The following SLC35F3 variants were observed in gnomAD, a reference collection of about 807,000 sequenced individuals.
The protein encoded by SLC35F3 is putative thiamine transporter SLC35F3.
SLC35F3 carries 25 observed loss-of-function variants against 49.9 expected under a neutral mutation model. The ratio of observed to expected loss-of-function variants is 0.50; its 90% confidence interval spans 0.37 to 0.70. SLC35F3 has a LOEUF of 0.70. Among genes scored for constraint, SLC35F3 ranks in the 30% least tolerant of loss-of-function variants. SLC35F3 has a pLI of 0.00. For synonymous variants in SLC35F3, 275 were observed against 265.4 expected (o/e 1.04, Z -0.35); for missense variants, 525 against 639.8 (o/e 0.82, Z 1.94).
chr1:234,174,540 C>T (rs1666447101), intron 2 of SLC35F3, among the ~76,000 whole-genome samples: 1 of 152,238 alleles, frequency 6.6e-6, no homozygotes, highest in Non-Finnish European at 1.5e-5. Flanking sequence ...CCATTCTGCA[C>T]ACAAGGAATC....
At position 234,046,811 on chromosome 1, in the gene SLC35F3, G is replaced by GT. The variant is rs1247462313; in HGVS notation, c.283+141060dup. On this transcript the variant is annotated intron_variant, in intron 2 of 7. Transcript: ENST00000366618. This position sits in a 1 kb window ranked among gnomAD's most constrained non-coding sequence, Gnocchi z 4.4. Reference sequence around the variant, plus strand: ...AATATGAAGTACATCTCTAATTCTAGTTTTTTTCGGTATTAAGTAATCTCA... The same window carrying GT: ...AATATGAAGTACATCTCTAATTCTAGTTTTTTTTCGGTATTAAGTAATCTCA... Among the ~76,000 whole-genome samples the GT allele has an allele frequency of 6.6e-6, 1 of 152,020 alleles. No homozygotes were observed. Among genetic ancestry groups the GT allele is most frequent in the African/African-American group, 2.4e-5 (1 of 41,428 alleles).
intron 2 of SLC35F3, among the ~76,000 whole-genome samples, chr1:234,154,562 C>T (rs934686250): frequency 1.3e-5 from 2 of 152,014 alleles, no homozygotes; most frequent in East Asian, 1.9e-4. Flanking sequence ...ACCAGGGAGC[C>T]GGGAAGTTAT....
chr1:234,255,817 C>A (rs755259390), intron 3 of SLC35F3, among the ~76,000 whole-genome samples: 2 of 152,104 alleles, frequency 1.3e-5, no homozygotes, highest in Non-Finnish European at 2.9e-5. Context: ...ACACTTAGAG[C>A]AGTGAAATAA....
At chr1:233,995,590 A>G (rs1663445098) in intron 2 of SLC35F3, among the ~76,000 whole-genome samples, 1 of 152,170 alleles carries the variant, frequency 6.6e-6, no homozygotes, top group Non-Finnish European at 1.5e-5. Flanking sequence ...CAGCATCCCA[A>G]ATTGCTTCTA....
In SLC35F3 at chr1:234,035,390, T is replaced by TA. The variant is rs1345237317; in HGVS notation, c.283+129642dup. Among the ~76,000 whole-genome samples the TA allele has an allele frequency of 4.0e-3, 606 of 150,434 alleles. 6 individuals carry two copies. Among genetic ancestry groups the TA allele is most frequent in the African/African-American group, 0.014 (557 of 41,100 alleles). On this transcript the variant is annotated intron_variant, in intron 2 of 7. Transcript: ENST00000366618. ...AATTCCTGACCTTTGAATATACCTT[T>TA]AAAAAAAAAATCTTCCCTGGAAGCA...
intron 2 of SLC35F3, among the ~76,000 whole-genome samples, chr1:234,114,555 G>A (rs1018935314): frequency 6.6e-6 from 1 of 152,170 alleles, no homozygotes; most frequent in Non-Finnish European, 1.5e-5. Context: ...ATCTGTTTTT[G>A]CTATTCTCCA....
At chr1:233,913,598 T>C (rs1482360889) in intron 2 of SLC35F3, among the ~76,000 whole-genome samples, 2 of 152,224 alleles carry the variant, frequency 1.3e-5, no homozygotes, top group South Asian at 2.1e-4. Context: ...TCTCGATCAA[T>C]AAACATTTGT....
intron 4 of SLC35F3, among the ~76,000 whole-genome samples, chr1:234,313,698 T>C (rs1424925962): frequency 6.6e-6 from 1 of 152,040 alleles, no homozygotes; most frequent in East Asian, 1.9e-4. Context: ...TTAGCACCTG[T>C]CCAGGGGCCC....
intron 3 of SLC35F3, among the ~76,000 whole-genome samples, chr1:234,304,071 CTTT>C (rs1668736882): frequency 4.4e-5 from 1 of 22,758 alleles, no homozygotes; most frequent in African/African-American, 2.2e-4. Flanking sequence ...TCCTTCCTTC[CTTT>C]CTTCCTTCCT....
At chr1:233,958,135 T>C (rs547526859) in intron 2 of SLC35F3, among the ~76,000 whole-genome samples, 5 of 152,356 alleles carry the variant, frequency 3.3e-5, no homozygotes, top group African/African-American at 1.2e-4. Flanking sequence ...CACTGCTGCC[T>C]TCACCACACT....
chr1:233,954,907 G>A (rs1002612863), intron 2 of SLC35F3, among the ~76,000 whole-genome samples: 9 of 152,214 alleles, frequency 5.9e-5, no homozygotes, highest in African/African-American at 2.2e-4. Flanking sequence ...GCAATGGTGC[G>A]ATCTTGGCTC....
Position 234,323,123 on chromosome 1 carries a change from GATC to G in SLC35F3, c.1355_1357del (p.Ile452del). The G allele has an allele frequency of 6.2e-7, 1 of 1,614,148 alleles. No individual in the cohort carries two copies. The highest frequency in any genetic ancestry group is 1.3e-5 in the African/African-American group (1 of 75,022). ...TGCCAGAGGAGTGGGATGTCTGGTT[GATC>G]AAGCTGCTCACCCGACTCAAAGTGA... On this transcript the variant is annotated inframe_deletion, in exon 8 of 8. Transcript: ENST00000366618. The surrounding 1 kb of genome is among the most constrained non-coding windows in gnomAD (Gnocchi z 4.5).
chr1:234,221,291 GA>G (rs971463077), intron 2 of SLC35F3, among the ~76,000 whole-genome samples: 2 of 152,160 alleles, frequency 1.3e-5, no homozygotes, highest in African/African-American at 4.8e-5. Flanking sequence ...GATAACTTTT[GA>G]GAGAGCCAGG....
intron 2 of SLC35F3, among the ~76,000 whole-genome samples, chr1:234,132,964 A>C (rs1665756920): frequency 1.3e-5 from 2 of 152,346 alleles, no homozygotes; most frequent in Non-Finnish European, 2.9e-5. Context: ...AACACTCATA[A>C]TACCTTGATG....
intron 3 of SLC35F3, among the ~76,000 whole-genome samples, chr1:234,237,367 T>A (rs147662769): frequency 6.6e-6 from 1 of 152,292 alleles, no homozygotes; most frequent in Non-Finnish European, 1.5e-5. Flanking sequence ...TACATCACAC[T>A]CTTCTGTTGA....
chr1:234,043,887 A>G (rs1271673888), intron 2 of SLC35F3, among the ~76,000 whole-genome samples: 2 of 152,244 alleles, frequency 1.3e-5, no homozygotes, highest in African/African-American at 2.4e-5. Context: ...TGTATGTTAC[A>G]TAATTATATC....
chr1:234,196,654 CAT>C (rs1165849996), intron 2 of SLC35F3, among the ~76,000 whole-genome samples: 2 of 152,234 alleles, frequency 1.3e-5, no homozygotes, highest in African/African-American at 4.8e-5. Context: ...CAAAGACAAA[CAT>C]AGGCTGGGCA....
At chr1:233,913,772 C>T (rs929540855) in intron 2 of SLC35F3, among the ~76,000 whole-genome samples, 6 of 152,172 alleles carry the variant, frequency 3.9e-5, no homozygotes, top group Non-Finnish European at 5.9e-5. Flanking sequence ...GTTGCTGGTT[C>T]TCTTCAGTCT....
chr1:233,973,429 A>AT (rs376628125), intron 2 of SLC35F3, among the ~76,000 whole-genome samples: 4 of 152,350 alleles, frequency 2.6e-5, no homozygotes, highest in African/African-American at 9.6e-5. Flanking sequence ...ATCGAGTATG[A>AT]TATTGCAAAA....
Sources: allele counts gnomAD v4.1 joint callset (sites outside exome capture counted in the v4.1 genomes callset), GRCh38; gene constraint gnomAD v4.1.1; non-coding constraint Gnocchi (gnomAD v3.1); transcripts MANE v1.5; gene names NCBI Gene and HGNC (gene_info 2026-07-23, HGNC 2026-07-21).